AATK: variants seen among roughly 807,000 people sequenced by gnomAD.
AATK encodes the protein serine/threonine-protein kinase LMTK1.
A neutral mutation model predicts 114.3 loss-of-function variants in AATK; 91 were observed. That is an observed-to-expected ratio of 0.80 (90% CI 0.67 to 0.95). The LOEUF is 0.95. Among genes scored for constraint, AATK ranks in the 40% least tolerant of loss-of-function variants. The pLI is 0.00. For missense variants in AATK, 2,176 were observed against 1,965.2 expected (o/e 1.11, Z -2.03); for synonymous variants, 1,075 against 916.5 (o/e 1.17, Z -3.12).
chr17:81,158,925 G>C (rs1445419800), intron 1 of AATK, among the ~76,000 whole-genome samples: 1 of 152,104 alleles, frequency 6.6e-6, no homozygotes, highest in Non-Finnish European at 1.5e-5. Flanking sequence ...CAGCACCCCT[G>C]ATCCCTGGGG....
chr17:81,132,878 G>A (rs916373334), intron 2 of AATK: 67 of 241,654 alleles, frequency 2.8e-4, no homozygotes, highest in South Asian at 1.7e-3. Context: ...AAGGAGGTGA[G>A]GAGGGCGCAG....
intron 1 of AATK, among the ~76,000 whole-genome samples, chr17:81,139,755 T>C (rs992115603): frequency 3.3e-5 from 5 of 152,216 alleles, no homozygotes; most frequent in African/African-American, 9.6e-5. Flanking sequence ...CCCCTGGCCA[T>C]GGTGAGAATG....
intron 1 of AATK, among the ~76,000 whole-genome samples, chr17:81,146,646 G>A (rs1028917483): frequency 2.0e-5 from 3 of 152,140 alleles, no homozygotes; most frequent in Non-Finnish European, 4.4e-5. Flanking sequence ...AACCCAAGAG[G>A]TAGAGGTTGT....
chr17:81,155,279 G>A (rs896729165), intron 1 of AATK, among the ~76,000 whole-genome samples: 5 of 152,354 alleles, frequency 3.3e-5, no homozygotes, highest in African/African-American at 9.6e-5. Context: ...TTAAGTCATC[G>A]TCACAGTATT....
rs752133891 is a variant in AATK at position 81,120,098 on chromosome 17, GAGC to G, written c.3736-18_3736-16del. The G allele has an allele frequency of 2.7e-6, 4 of 1,464,030 alleles. 1 individual carries two copies. In the South Asian group the frequency reaches 4.1e-5, roughly 15 times the overall value. The allele number at this position is 1,464,030 out of a possible 1,614,324, so 90.7% of individuals were successfully genotyped here. ...GTGGGGCTTTCCTGGAGGAATCAGA[GAGC>G]ACCAGGTAGCTCGGCCGCCAGGAGC... is the stretch of plus-strand genomic sequence containing the variant. On this transcript the variant is annotated splice_polypyrimidine_tract_variant and intron_variant, in intron 11 of 13. Transcript: ENST00000326724.
chr17:81,164,339 C>T (rs952745291), intron 1 of AATK, among the ~76,000 whole-genome samples: 2 of 152,152 alleles, frequency 1.3e-5, no homozygotes, highest in African/African-American at 4.8e-5. Context: ...CCCCTTAATC[C>T]GAAGGAGGGT....
Position 81,117,344 on chromosome 17 carries a change from C to T in AATK, c.*1058G>A, listed in dbSNP as rs1378444669. 1 of 152,296 alleles carries T rather than the reference C, an allele frequency of 6.6e-6. No homozygotes were observed. The highest frequency in any genetic ancestry group is 2.4e-5 in the African/African-American group (1 of 41,460). The allele number at this position is 152,296 out of a possible 1,614,324, so 9.4% of individuals were successfully genotyped here. On this transcript the variant is annotated 3_prime_UTR_variant, in exon 14 of 14. Transcript: ENST00000326724. The stretch of plus-strand genomic sequence containing the variant: ...TCTTAAAAAACAAGGAACAAGAAAA[C>T]ATTGCACCAGCGTTCTAAGCCTCAA...
intron 1 of AATK, among the ~76,000 whole-genome samples, chr17:81,138,020 A>G (rs949297214): frequency 6.6e-6 from 1 of 151,026 alleles, no homozygotes; most frequent in Admixed American, 6.6e-5. Flanking sequence ...ACGCACCCAC[A>G]TGCACGCAAA....
At chr17:81,139,811 T>A (rs947783195) in intron 1 of AATK, among the ~76,000 whole-genome samples, 1 of 152,190 alleles carries the variant, frequency 6.6e-6, no homozygotes, top group African/African-American at 2.4e-5. Flanking sequence ...GGTGCCTATG[T>A]GAGCCTGCAG....
In AATK at chr17:81,121,461, G is replaced by C; in HGVS notation, c.2475C>G (p.Asp825Glu). The change falls in exon 11 of 14, where the codon GAC becomes GAG. Residue 825 changes from aspartate to glutamate, a missense_variant. Asp to Glu is a conservative substitution (Grantham distance 45). Around this residue, in one of 4 missense-constraint regions of AATK, gnomAD observed 1,701 missense variants for 1,394.7 expected, o/e 1.22. Transcript: ENST00000326724. ...CGCCACCAGTAGCAGGCGTGGGAGA[G>C]TCAGGCAGGGCATCAGGGGCGTCGG... ...SAPDAPDALP[D>E]SPTPATGGEV... 1 of 1,587,610 alleles carries C rather than the reference G, an allele frequency of 6.3e-7. No individual in the cohort carries two copies. The highest frequency in any genetic ancestry group is 8.6e-7 in the Non-Finnish European group (1 of 1,165,976).
intron 10 of AATK, 91 bp from the exon 11 acceptor site, chr17:81,122,914 G>A (rs1471686435): frequency 1.3e-5 from 15 of 1,186,424 alleles, no homozygotes; most frequent in Middle Eastern, 2.5e-4. Flanking sequence ...CTAACTCCCA[G>A]TGTCTTGGGG....
At position 81,161,901 on chromosome 17, in the gene AATK, C is replaced by T. The variant is rs916041099; in HGVS notation, c.55+4037G>A. 2.0e-5 allele frequency among the ~76,000 whole-genome samples: 3 copies of T among 152,302 alleles called. No individual in the cohort carries two copies. In the South Asian group the frequency reaches 6.2e-4, roughly 32 times the overall value. ...ACACAACACAACAGCTGCCAGCCCA[C>T]CCCAGCCAGCTCTGGGGCACTCGGG... On this transcript the variant is annotated intron_variant, in intron 1 of 13. Coordinates refer to ENST00000326724, the MANE Select transcript of AATK (RefSeq NM_001080395.3).
intron 8 of AATK, 26 bp downstream of exon 8, chr17:81,124,904 A>AG: frequency 4.8e-5 from 55 of 1,137,100 alleles, no homozygotes; most frequent in Non-Finnish European, 7.1e-5. Flanking sequence ...CCTCATGCCC[A>AG]GCCCAGCCCA....
intron 1 of AATK, among the ~76,000 whole-genome samples, chr17:81,162,684 C>T (rs577391711): frequency 1.8e-4 from 27 of 152,296 alleles, no homozygotes; most frequent in African/African-American, 6.5e-4. Flanking sequence ...GCCAGGTGTC[C>T]GGTTCACATG....
chr17:81,157,001 C>T (rs1261814160), intron 1 of AATK, among the ~76,000 whole-genome samples: 2 of 152,190 alleles, frequency 1.3e-5, no homozygotes, highest in South Asian at 2.1e-4. Context: ...GGGACAGCAA[C>T]GGTGCCCCCA....
chr17:81,166,020 C>G lies in AATK; in HGVS notation c.-28G>C, dbSNP rs1479000164. 6.5e-7 allele frequency: 1 copy of G among 1,529,622 alleles called. No homozygotes were observed. The highest frequency in any genetic ancestry group is 2.6e-5 in the East Asian group (1 of 38,070). The allele number at this position is 1,529,622 out of a possible 1,614,324, so 94.8% of individuals were successfully genotyped here. Reference sequence around the variant, plus strand: ...CCGGGCCAGCGGCCGGCGGGCATCCCGGGAGGGCGCTGCGCTCAGGACGCC... The same window carrying G: ...CCGGGCCAGCGGCCGGCGGGCATCCGGGGAGGGCGCTGCGCTCAGGACGCC... On this transcript the variant is annotated 5_prime_UTR_variant, in exon 1 of 14. Transcript: ENST00000326724.
rs200587141 is a variant in AATK, at chr17:81,156,317, G to T, written c.55+9621C>A. On this transcript the variant is annotated intron_variant, in intron 1 of 13. Coordinates refer to ENST00000326724, the MANE Select transcript of AATK (RefSeq NM_001080395.3). ...GTTACTATGGCCTGTGTTATTGTGT[G>T]AAGTGGCCTCTGAAGTTTTTATTTT... Among the ~76,000 whole-genome samples, 5 of 149,382 alleles carry T rather than the reference G, an allele frequency of 3.3e-5. No individual in the cohort carries two copies. The South Asian group carries it at 1.1e-3, about 32-fold the overall frequency.
At chr17:81,133,510 C>T (rs969157498) in intron 2 of AATK, among the ~76,000 whole-genome samples, 4 of 152,184 alleles carry the variant, frequency 2.6e-5, no homozygotes, top group African/African-American at 7.2e-5. Flanking sequence ...CTTCTCCTGG[C>T]GTAGGAATCT....
At chr17:81,151,503 G>A (rs1028737180) in intron 1 of AATK, among the ~76,000 whole-genome samples, 6 of 152,034 alleles carry the variant, frequency 3.9e-5, no homozygotes, top group South Asian at 2.1e-4. Context: ...GCCCCCACGC[G>A]ACCCAGTTCT....
Sources: allele counts gnomAD v4.1 joint callset (sites outside exome capture counted in the v4.1 genomes callset), GRCh38; gene constraint gnomAD v4.1.1; regional missense constraint gnomAD v4.1.1; transcripts MANE v1.5; gene names NCBI Gene and HGNC (gene_info 2026-07-23, HGNC 2026-07-21).